Variants in GCNT2 observed in about 807,000 individuals in gnomAD.
GCNT2 encodes the protein N-acetyllactosaminide beta-1,6-N-acetylglucosaminyl-transferase.
A neutral mutation model predicts 34.2 loss-of-function variants in GCNT2; 34 were observed. The observed-to-expected ratio is 1.00, with a 90% CI of 0.76 to 1.32. GCNT2 has a LOEUF of 1.32. Ranked by LOEUF, GCNT2 falls within the 40% of genes most tolerant of loss-of-function variation. The probability of loss-of-function intolerance (pLI) is 0.00; values close to 1 mark genes in which losing one functional copy is unlikely to be tolerated. For synonymous variants in GCNT2, 212 were observed against 188.0 expected (o/e 1.13, Z -1.04); for missense variants, 584 against 489.4 (o/e 1.19, Z -1.82).
At chr6:10,549,916 A>G (rs527168) in intron 3 of GCNT2, among the ~76,000 whole-genome samples, 51,888 of 151,972 alleles carry the variant, frequency 0.34, 9,154 homozygotes, top group African/African-American at 0.43. Context: ...TATAAGCACC[A>G]GGTGTTTGTG....
intron 3 of GCNT2, among the ~76,000 whole-genome samples, chr6:10,538,705 G>C (rs572144289): frequency 1.1e-4 from 17 of 151,696 alleles, no homozygotes; most frequent in Non-Finnish European, 1.8e-4. Context: ...TAGTTTAATT[G>C]ATTTGTATGC....
chr6:10,584,460 AT>A (rs1377513610), intron 3 of GCNT2, among the ~76,000 whole-genome samples: 1 of 152,084 alleles, frequency 6.6e-6, no homozygotes, highest in Non-Finnish European at 1.5e-5. Flanking sequence ...TCTCAACCGC[AT>A]TGAGGCCTTC....
intron 3 of GCNT2, among the ~76,000 whole-genome samples, chr6:10,571,013 A>G (rs912337420): frequency 1.3e-5 from 2 of 152,314 alleles, no homozygotes; most frequent in East Asian, 1.9e-4. Flanking sequence ...TCTTTATTCT[A>G]TGCTGAATCT....
chr6:10,577,580 G>C (rs926163167), intron 3 of GCNT2, among the ~76,000 whole-genome samples: 6 of 152,026 alleles, frequency 3.9e-5, no homozygotes, highest in African/African-American at 1.4e-4. Flanking sequence ...CACTCTTTTT[G>C]CCCAGGCTGG....
chr6:10,584,146 T>G (rs1318440654), intron 3 of GCNT2, among the ~76,000 whole-genome samples: 1 of 152,116 alleles, frequency 6.6e-6, no homozygotes, highest in Admixed American at 6.5e-5. Flanking sequence ...TTTCCTATCT[T>G]GGCGAGGGGA....
At chr6:10,600,766 T>C (rs933049312) in intron 3 of GCNT2, among the ~76,000 whole-genome samples, 6 of 152,112 alleles carry the variant, frequency 3.9e-5, no homozygotes, top group Middle Eastern at 3.4e-3. Flanking sequence ...TTATTTTTAT[T>C]TATTTATTTA....
At chr6:10,563,769 A>AT (rs1418155365) in intron 3 of GCNT2, among the ~76,000 whole-genome samples, 127 of 70,108 alleles carry the variant, frequency 1.8e-3, no homozygotes, top group Admixed American at 3.9e-3. Context: ...AAAAAAAAAA[A>AT]AAAAAAAAAT....
At chr6:10,586,363 G>A in intron 3 of GCNT2, 2 of 1,614,112 alleles carry the variant, frequency 1.2e-6, no homozygotes, top group Non-Finnish European at 1.7e-6. Flanking sequence ...AATGTCTACT[G>A]TGTTCACGTG....
chr6:10,573,250 CAGAGA>C, intron 3 of GCNT2: 2 of 984,922 alleles, frequency 2.0e-6, no homozygotes, highest in Non-Finnish European at 2.4e-6. Context: ...CATTCGGAAT[CAGAGA>C]AAAGTTGTTG....
intron 4 of GCNT2, among the ~76,000 whole-genome samples, chr6:10,623,292 ATTT>A (rs35557936): frequency 7.2e-6 from 1 of 139,572 alleles, no homozygotes; most frequent in African/African-American, 2.6e-5. Flanking sequence ...TGCCTACATT[ATTT>A]TTTTTTTTTT....
At chr6:10,543,467 A>G (rs756001384) in intron 3 of GCNT2, among the ~76,000 whole-genome samples, 2 of 152,226 alleles carry the variant, frequency 1.3e-5, no homozygotes, top group Non-Finnish European at 2.9e-5. Context: ...CTGGGATTAC[A>G]GGCGTGAACC....
At chr6:10,573,948 C>T (rs1007713430) in intron 3 of GCNT2, among the ~76,000 whole-genome samples, 3 of 152,234 alleles carry the variant, frequency 2.0e-5, no homozygotes, top group African/African-American at 7.2e-5. Context: ...CTAAACCTAC[C>T]CTGTAAGGTG....
chr6:10,523,392 CT>C (rs1454323797), intron 1 of GCNT2, among the ~76,000 whole-genome samples: 1 of 148,698 alleles, frequency 6.7e-6, no homozygotes, highest in Non-Finnish European at 1.5e-5. Context: ...CGTCATTACA[CT>C]GCAGACGGGG....
At position 10,529,850 on chromosome 6, in the gene GCNT2, T is replaced by G; in HGVS notation, c.925+14T>G. The G allele has an allele frequency of 6.3e-7, 1 of 1,598,570 alleles. No homozygotes were observed. The highest frequency in any genetic ancestry group is 8.6e-7 in the Non-Finnish European group (1 of 1,166,712). ...ACAGGATTCCCGGTATGTACGTCTCTTAACTTTTATTTTTACGAATAAACA... is the reference window on the plus strand; with the variant it reads ...ACAGGATTCCCGGTATGTACGTCTCGTAACTTTTATTTTTACGAATAAACA... On this transcript the variant is annotated intron_variant, in intron 3 of 4. Coordinates refer to ENST00000495262, the MANE Select transcript of GCNT2 (RefSeq NM_145649.5).
chr6:10,549,340 A>C (rs1189651360), intron 3 of GCNT2, among the ~76,000 whole-genome samples: 1 of 152,158 alleles, frequency 6.6e-6, no homozygotes, highest in Non-Finnish European at 1.5e-5. Flanking sequence ...ATATCTTTTG[A>C]TGAATATATT....
intron 3 of GCNT2, among the ~76,000 whole-genome samples, chr6:10,599,588 A>G (rs1188705186): frequency 3.3e-5 from 5 of 152,204 alleles, no homozygotes; most frequent in Non-Finnish European, 5.9e-5. Context: ...AGTGGTCCCC[A>G]GAGAATTGAG....
At chr6:10,606,515 A>C (rs1454041805) in intron 3 of GCNT2, among the ~76,000 whole-genome samples, 4 of 152,186 alleles carry the variant, frequency 2.6e-5, no homozygotes, top group Non-Finnish European at 4.4e-5. Flanking sequence ...ATCCTTGTTT[A>C]GCAGAAACAT....
At chr6:10,556,220 A>C in intron 3 of GCNT2, 2 of 1,433,412 alleles carry the variant, frequency 1.4e-6, no homozygotes, top group Non-Finnish European at 9.1e-7. Context: ...GGTTTGAGAG[A>C]GGCGGGATCT....
At chr6:10,554,034 C>A (rs1458702210) in intron 3 of GCNT2, among the ~76,000 whole-genome samples, 1 of 152,202 alleles carries the variant, frequency 6.6e-6, no homozygotes, top group Non-Finnish European at 1.5e-5. Flanking sequence ...GGGAATAATT[C>A]TATCCAAAGT....
Sources: gnomAD v4.1 joint callset for allele counts (sites outside exome capture counted in the v4.1 genomes callset) on GRCh38, gnomAD v4.1.1 for gene constraint, MANE v1.5 for transcripts, NCBI Gene and HGNC (gene_info 2026-07-23, HGNC 2026-07-21) for gene names.